The following THSD4 variants were observed in gnomAD, a reference collection of about 807,000 sequenced individuals.
THSD4 encodes thrombospondin type 1 domain containing 4.
THSD4 carries 69 observed loss-of-function variants against 119.0 expected under a neutral mutation model. The observed-to-expected ratio is 0.58, with a 90% CI of 0.48 to 0.71. The LOEUF (loss-of-function observed/expected upper bound fraction) is 0.71, where lower values mean the gene tolerates loss of function less well. Among genes scored for constraint, THSD4 ranks in the 30% least tolerant of loss-of-function variants. THSD4 has a pLI of 0.00. For missense variants in THSD4, 1,393 were observed against 1,391.1 expected, an observed-to-expected ratio of 1.00 and a Z score of -0.02; for synonymous variants, 524 against 540.4, an observed-to-expected ratio of 0.97 and a Z score of 0.42.
chr15:71,118,536 T>C (rs1467170307), intron 1 of THSD4, among the ~76,000 whole-genome samples: 1 of 152,116 alleles, frequency 6.6e-6, no homozygotes, highest in Non-Finnish European at 1.5e-5. Flanking sequence ...CTTGGGCCTC[T>C]CCAGGTCATG....
intron 6 of THSD4, among the ~76,000 whole-genome samples, chr15:71,404,583 G>T (rs1318281081): frequency 6.6e-6 from 1 of 152,104 alleles, no homozygotes; most frequent in East Asian, 1.9e-4. Flanking sequence ...TTCAAATGCT[G>T]GAACCTAATA....
intron 3 of THSD4, among the ~76,000 whole-genome samples, chr15:71,181,028 A>G (rs1430702469): frequency 1.3e-5 from 2 of 152,186 alleles, no homozygotes; most frequent in Non-Finnish European, 2.9e-5. Flanking sequence ...GAACAGTGTG[A>G]GATTGTCCCT....
chr15:71,384,347 C>A (rs62015553), intron 6 of THSD4, among the ~76,000 whole-genome samples: 5 of 151,680 alleles, frequency 3.3e-5, no homozygotes, highest in Non-Finnish European at 5.9e-5. Flanking sequence ...CACTGCACTC[C>A]AGCCTGGGCA....
At chr15:71,688,481 A>C (rs566748288) in intron 8 of THSD4, among the ~76,000 whole-genome samples, 1 of 152,320 alleles carries the variant, frequency 6.6e-6, no homozygotes, top group African/African-American at 2.4e-5. Flanking sequence ...CTAATGTGTA[A>C]AACTGTTGTT....
intron 7 of THSD4, among the ~76,000 whole-genome samples, chr15:71,506,712 C>G (rs2048195535): frequency 6.6e-6 from 1 of 152,224 alleles, no homozygotes; most frequent in Non-Finnish European, 1.5e-5. Flanking sequence ...TTACGGCGGC[C>G]TGAAGAGCAG....
intron 7 of THSD4, among the ~76,000 whole-genome samples, chr15:71,538,320 G>T (rs1041981061): frequency 8.5e-5 from 13 of 152,122 alleles, no homozygotes; most frequent in African/African-American, 3.1e-4. Context: ...TACTCCTCAA[G>T]TGGCTGGCCA....
intron 7 of THSD4, among the ~76,000 whole-genome samples, chr15:71,427,481 A>T (rs1039875893): frequency 1.1e-4 from 16 of 151,624 alleles, no homozygotes; most frequent in African/African-American, 3.6e-4. Flanking sequence ...CACACATTAA[A>T]TGGAATGTTA....
chr15:71,386,409 C>G (rs573633611), intron 6 of THSD4, among the ~76,000 whole-genome samples: 2 of 152,096 alleles, frequency 1.3e-5, no homozygotes, highest in East Asian at 1.9e-4. Context: ...GAGGACCTGC[C>G]CAAAGCATGT....
chr15:71,175,009 A>G (rs911799845), intron 3 of THSD4, among the ~76,000 whole-genome samples: 14 of 147,372 alleles, frequency 9.5e-5, no homozygotes, highest in Non-Finnish European at 1.9e-4. Context: ...TCAAAGACAA[A>G]AAGTAGATAA....
At chr15:71,348,945 C>A (rs2045705761) in intron 6 of THSD4, among the ~76,000 whole-genome samples, 1 of 152,354 alleles carries the variant, frequency 6.6e-6, no homozygotes, top group Non-Finnish European at 1.5e-5. Flanking sequence ...AATCTACTCT[C>A]CTTTGAAGTT....
rs199775974 is a variant in THSD4, at chr15:71,141,552, C to G, written c.25C>G (p.Leu9Val). 27 of 1,609,928 alleles carry G rather than the reference C, an allele frequency of 1.7e-5. No homozygotes were observed. The highest frequency in any genetic ancestry group is 3.3e-4 in the Middle Eastern group (2 of 6,056). The change falls in exon 2 of 18, where the codon CTC becomes GTC. Residue 9 changes from leucine (L) to valine (V), a missense_variant. Coordinates refer to ENST00000261862, the MANE Select transcript of THSD4 (RefSeq NM_024817.3). MVSHFMGS[L>V]SVLCFLLLLG... The stretch of plus-strand genomic sequence containing the variant: ...CATGGTTTCCCATTTCATGGGGTCT[C>G]TCAGGTAAGTGAAGAAACTTTTTTT...
chr15:71,222,666 C>T (rs550522533), intron 4 of THSD4, among the ~76,000 whole-genome samples: 2 of 152,224 alleles, frequency 1.3e-5, no homozygotes, highest in South Asian at 4.2e-4. Flanking sequence ...AGAGCAGTTT[C>T]CTATAGACGT....
intron 6 of THSD4, among the ~76,000 whole-genome samples, chr15:71,388,891 C>T (rs1344410070): frequency 1.3e-5 from 2 of 151,962 alleles, no homozygotes; most frequent in Admixed American, 6.6e-5. Flanking sequence ...AGGAGGTGAC[C>T]CGGTGGGAGA....
chr15:71,532,583 G>A (rs56923103), intron 7 of THSD4, among the ~76,000 whole-genome samples: 38,220 of 151,780 alleles, frequency 0.25, 5,570 homozygotes, highest in East Asian at 0.62. Context: ...TCAAACTGCT[G>A]GGATTACAGG....
chr15:71,442,579 A>ATAT (rs1555414269), intron 7 of THSD4, among the ~76,000 whole-genome samples: 3 of 39,860 alleles, frequency 7.5e-5, no homozygotes, highest in Admixed American at 3.3e-4. Flanking sequence ...AAAAAAAAAA[A>ATAT]ATATATATAT....
chr15:71,326,931 G>A (rs1306062628), intron 6 of THSD4, among the ~76,000 whole-genome samples: 1 of 150,952 alleles, frequency 6.6e-6, no homozygotes, highest in Non-Finnish European at 1.5e-5. Flanking sequence ...GCTTTGGGAG[G>A]CCGAGGTGGG....
At chr15:71,675,269 G>GA (rs1343463954) in intron 8 of THSD4, among the ~76,000 whole-genome samples, 2 of 151,908 alleles carry the variant, frequency 1.3e-5, no homozygotes, top group African/African-American at 2.4e-5. Context: ...ATAAAGGACA[G>GA]AAAAAAAAGA....
intron 7 of THSD4, among the ~76,000 whole-genome samples, chr15:71,544,028 C>CA (rs1384546369): frequency 6.6e-6 from 1 of 151,790 alleles, no homozygotes; most frequent in Admixed American, 6.6e-5. Context: ...AACTCCATCT[C>CA]AAAAAATAAA....
chr15:71,310,481 C>G (rs1040069843), intron 6 of THSD4, among the ~76,000 whole-genome samples: 1 of 152,100 alleles, frequency 6.6e-6, no homozygotes, highest in East Asian at 1.9e-4. Context: ...TGCTTAGGTT[C>G]AACAAAGTAT....
Sources: allele counts gnomAD v4.1 joint callset (sites outside exome capture counted in the v4.1 genomes callset), GRCh38; gene constraint gnomAD v4.1.1; transcripts MANE v1.5; gene names NCBI Gene and HGNC (gene_info 2026-07-23, HGNC 2026-07-21).